The following SPTLC2 variants were observed in gnomAD, a reference collection of about 807,000 sequenced individuals.
The protein encoded by SPTLC2 is serine palmitoyltransferase long chain base subunit 2, also known as serine palmitoyltransferase 2.
Under a neutral mutation model 62.0 loss-of-function variants are expected in SPTLC2, and 21 were observed. The observed-to-expected ratio is 0.34, with a 90% confidence interval of 0.24 to 0.49. The LOEUF (loss-of-function observed/expected upper bound fraction) is 0.49. Ranked by LOEUF, SPTLC2 falls within the 20% of genes least tolerant of loss-of-function variation. The probability of loss-of-function intolerance (pLI) is 0.99; values close to 1 mark genes in which losing one functional copy is unlikely to be tolerated. For missense variants in SPTLC2, 511 were observed against 713.0 expected (o/e 0.72, Z 3.23); for synonymous variants, 261 against 261.8 (o/e 1.00, Z 0.03).
rs142320856 is a variant in SPTLC2 at position 77,616,609 on chromosome 14, C to A, written c.-30G>T. On this transcript the variant is annotated 5_prime_UTR_variant, in exon 1 of 12. Transcript: ENST00000216484. Reference sequence around the variant, plus strand: ...CTGGCAGCACCAGGCGCAAGGCAGGCTCTGTAGGCGGTGGCAGCGGCGGCG... The same window carrying A: ...CTGGCAGCACCAGGCGCAAGGCAGGATCTGTAGGCGGTGGCAGCGGCGGCG... The A allele has an allele frequency of 0.031, 47,824 of 1,534,068 alleles. 1,014 individuals are homozygous for A. Among genetic ancestry groups the A allele is most frequent in the South Asian group, 0.077 (6,472 of 84,232 alleles).
chr14:77,512,992 G>A (rs1321425044), intron 11 of SPTLC2, among the ~76,000 whole-genome samples: 1 of 145,166 alleles, frequency 6.9e-6, no homozygotes, highest in Non-Finnish European at 1.5e-5. Flanking sequence ...TGGGATTATA[G>A]GCGTAAGCCA....
At position 77,512,166 on chromosome 14, in the gene SPTLC2, C is replaced by T. The variant is rs539528881; in HGVS notation, c.*118G>A. On this transcript the variant is annotated 3_prime_UTR_variant, in exon 12 of 12. Transcript: ENST00000216484. ...GAGTGGAGGTGGCCACCTTCAGTAG[C>T]TGAGGCAATGTCTTTCACGTGAGAT... 2 of 1,450,350 alleles carry T rather than the reference C, an allele frequency of 1.4e-6. No individual in the cohort carries two copies. Among genetic ancestry groups the T allele is most frequent in the South Asian group, 1.2e-5 (1 of 86,244 alleles). 89.8% of individuals were successfully genotyped at this position (1,450,350 alleles called of 1,614,324 possible). A position where few individuals can be genotyped will look rare whatever the true frequency, so the allele number is the denominator to read the frequency against.
intron 9 of SPTLC2, among the ~76,000 whole-genome samples, chr14:77,550,066 A>C (rs1364580857): frequency 6.6e-6 from 1 of 152,230 alleles, no homozygotes; most frequent in Non-Finnish European, 1.5e-5. Flanking sequence ...GTTTCCACTA[A>C]CACCACATCA....
intron 2 of SPTLC2, among the ~76,000 whole-genome samples, chr14:77,595,457 T>G (rs2079841313): frequency 6.6e-6 from 1 of 152,202 alleles, no homozygotes; most frequent in Admixed American, 6.5e-5. Flanking sequence ...AACTTCTGAA[T>G]GCAGGGCTTT....
At chr14:77,520,443 C>T (rs1020216216) in intron 10 of SPTLC2, among the ~76,000 whole-genome samples, 3 of 152,144 alleles carry the variant, frequency 2.0e-5, no homozygotes. Flanking sequence ...GTGGTGGACA[C>T]TGGGGATTCA....
intron 6 of SPTLC2, among the ~76,000 whole-genome samples, chr14:77,562,035 C>T (rs4903604): frequency 0.23 from 35,251 of 152,180 alleles, 4,227 homozygotes; most frequent in Middle Eastern, 0.35. Context: ...ATTGTAAGGA[C>T]TGGCTTATCT....
At chr14:77,598,635 T>C (rs1316071726) in intron 1 of SPTLC2, among the ~76,000 whole-genome samples, 1 of 152,192 alleles carries the variant, frequency 6.6e-6, no homozygotes, top group Non-Finnish European at 1.5e-5. Context: ...AAGATGTTTA[T>C]ATAAGTGTGG....
At chr14:77,565,897 T>C (rs2079642334) in intron 5 of SPTLC2, among the ~76,000 whole-genome samples, 1 of 152,252 alleles carries the variant, frequency 6.6e-6, no homozygotes. Flanking sequence ...CTCTCTGTAC[T>C]CTTTTGTAAC....
At chr14:77,569,623 T>C (rs941858207) in intron 5 of SPTLC2, among the ~76,000 whole-genome samples, 1 of 151,162 alleles carries the variant, frequency 6.6e-6, no homozygotes, top group Admixed American at 6.7e-5. Flanking sequence ...CAATATACCA[T>C]TCCTAAGTGT....
rs1287401439 is a variant in SPTLC2 at position 77,536,443 on chromosome 14, G to C, written c.1304-14862C>G. Among the ~76,000 whole-genome samples the C allele has an allele frequency of 2.0e-5, 3 of 151,538 alleles. No homozygotes were observed. In the South Asian group the frequency reaches 6.2e-4, roughly 32 times the overall value. ...GTGATTTTTTAAACAGCTTTATTGA[G>C]ATATATATCACGTGCCATAAAATTC... is the stretch of plus-strand genomic sequence containing the variant. On this transcript the variant is annotated intron_variant, in intron 9 of 11. Transcript: ENST00000216484.
At chr14:77,607,862 T>C (rs1052969322) in intron 1 of SPTLC2, among the ~76,000 whole-genome samples, 38 of 152,186 alleles carry the variant, frequency 2.5e-4, no homozygotes, top group Non-Finnish European at 4.4e-4. Context: ...ATAAAGACAC[T>C]ACCCTTTAGC....
chr14:77,558,618 G>GA lies in SPTLC2; in HGVS notation c.851-1473_851-1472insT, dbSNP rs1555375495. Among the ~76,000 whole-genome samples, 700 of 104,014 alleles carry GA rather than the reference G, an allele frequency of 6.7e-3. 6 individuals are homozygous for GA. Among genetic ancestry groups the GA allele is most frequent in the African/African-American group, 0.02 (664 of 33,490 alleles). The allele number at this position is 104,014 out of a possible 152,430, so 68.2% of individuals were successfully genotyped here. A position where few individuals can be genotyped will look rare whatever the true frequency, so the allele number is the denominator to read the frequency against. On this transcript the variant is annotated intron_variant, in intron 6 of 11. Transcript: ENST00000216484. ...ATTACGTCCTGACTCAAAGCCTCCA[G>GA]TTTTTTTGTTTTTTTTTTTTTGAGA...
intron 8 of SPTLC2, chr14:77,554,847 T>C (rs1199568014): frequency 4.7e-6 from 1 of 214,500 alleles, no homozygotes; most frequent in Non-Finnish European, 9.5e-6. Flanking sequence ...AATACAATGC[T>C]TTGTAGTACC....
At chr14:77,525,814 T>G (rs1052044927) in intron 9 of SPTLC2, among the ~76,000 whole-genome samples, 1 of 152,138 alleles carries the variant, frequency 6.6e-6, no homozygotes, top group Non-Finnish European at 1.5e-5. Context: ...CCTGGGAGGC[T>G]GAGGCGAGAG....
intron 5 of SPTLC2, among the ~76,000 whole-genome samples, chr14:77,568,674 G>T (rs542986369): frequency 1.4e-4 from 21 of 152,098 alleles, no homozygotes; most frequent in South Asian, 2.1e-4. Flanking sequence ...CAGGTGTGGT[G>T]GTGGGCGCCT....
At chr14:77,604,343 T>G (rs1038328711) in intron 1 of SPTLC2, among the ~76,000 whole-genome samples, 1 of 152,226 alleles carries the variant, frequency 6.6e-6, no homozygotes, top group Non-Finnish European at 1.5e-5. Flanking sequence ...CCTGCCTTTC[T>G]GAGACTTGTT....
intron 9 of SPTLC2, among the ~76,000 whole-genome samples, chr14:77,524,424 TTAAC>T (rs2079399149): frequency 6.7e-6 from 1 of 149,968 alleles, no homozygotes; most frequent in African/African-American, 2.5e-5. Context: ...TAATCACAAA[TTAAC>T]TAGCCTCTGT....
chr14:77,554,538 A>T (rs1414026188), intron 8 of SPTLC2, among the ~76,000 whole-genome samples: 1 of 152,190 alleles, frequency 6.6e-6, no homozygotes, highest in Non-Finnish European at 1.5e-5. Context: ...CACTTACCAT[A>T]ATGTTTTTAA....
chr14:77,583,416 G>T (rs2079764260), intron 2 of SPTLC2, among the ~76,000 whole-genome samples: 2 of 151,896 alleles, frequency 1.3e-5, no homozygotes, highest in Admixed American at 1.3e-4. Flanking sequence ...TAAACTAGGG[G>T]GGTAATCTTT....
Sources: allele counts gnomAD v4.1 joint callset (sites outside exome capture counted in the v4.1 genomes callset), GRCh38; gene constraint gnomAD v4.1.1; transcripts MANE v1.5; gene names NCBI Gene and HGNC (gene_info 2026-07-23, HGNC 2026-07-21).